NCAM1: variants seen among roughly 807,000 people sequenced by gnomAD.
NCAM1 encodes the protein antigen recognized by monoclonal antibody 5.1H11.
Under a neutral mutation model 109.8 loss-of-function variants are expected in NCAM1, and 14 were observed. The ratio of observed to expected loss-of-function variants is 0.13; its 90% CI spans 0.08 to 0.20. NCAM1 has a LOEUF of 0.20. Among genes scored for constraint, NCAM1 ranks in the 10% least tolerant of loss-of-function variants. The pLI, the probability that NCAM1 is intolerant of heterozygous loss-of-function variation, is 1.00. For synonymous variants in NCAM1, 418 were observed against 442.9 expected (o/e 0.94, Z 0.70); for missense variants, 774 against 1,109.9 (o/e 0.70, Z 4.30).
Position 112,963,788 on chromosome 11 carries a change from T to C in NCAM1, c.52+2124T>C, listed in dbSNP as rs548252077. Among the ~76,000 whole-genome samples the C allele has an allele frequency of 2.6e-5, 4 of 152,158 alleles. No individual in the cohort carries two copies. Among genetic ancestry groups the C allele is most frequent in the African/African-American group, 7.2e-5 (3 of 41,514 alleles). ...TCATCGTGATGGGTACAGTCATCAG[T>C]ATTTGGATCCCGTGGAAGTTGCAGG... is the stretch of plus-strand genomic sequence containing the variant. On this transcript the variant is annotated intron_variant, in intron 1 of 19. Transcript: ENST00000316851. The surrounding 1 kb of genome is among the most constrained non-coding windows in gnomAD (Gnocchi z 4.6).
rs575186693 is a variant in NCAM1, at chr11:113,112,078, G to A, written c.53-90301G>A. 1.1e-4 allele frequency among the ~76,000 whole-genome samples: 17 copies of A among 152,212 alleles called. No individual in the cohort carries two copies. The South Asian group carries it at 1.9e-3, about 17-fold the overall frequency. On this transcript the variant is annotated intron_variant, in intron 1 of 19. Transcript: ENST00000316851. The stretch of plus-strand genomic sequence containing the variant: ...TAATGTCTTTGTGAACATTCTGTCT[G>A]TTGTTAGCCTGCTAGTGATTAGGTA...
intron 1 of NCAM1, among the ~76,000 whole-genome samples, chr11:113,175,893 A>G (rs782736006): frequency 2.6e-5 from 4 of 152,334 alleles, no homozygotes; most frequent in Non-Finnish European, 5.9e-5. Context: ...CAAGAAGTTG[A>G]TGAGAGGGTA....
chr11:113,264,618 G>T, intron 17 of NCAM1: 1 of 985,562 alleles, frequency 1.0e-6, no homozygotes, highest in Non-Finnish European at 1.2e-6. Context: ...TCCTAGGAGG[G>T]CCCAGCTTGG....
At chr11:113,089,524 G>A (rs1267376065) in intron 1 of NCAM1, among the ~76,000 whole-genome samples, 1 of 151,982 alleles carries the variant, frequency 6.6e-6, no homozygotes, top group Non-Finnish European at 1.5e-5. Flanking sequence ...TCAAACTCCT[G>A]GGCTCAAGGG....
chr11:113,256,786 CA>C (rs61708262), intron 16 of NCAM1, among the ~76,000 whole-genome samples: 17,247 of 152,254 alleles, frequency 0.11, 1,108 homozygotes, highest in East Asian at 0.29. Flanking sequence ...TGGTCATCTT[CA>C]ACTATAACCA....
intron 1 of NCAM1, among the ~76,000 whole-genome samples, chr11:113,141,261 G>A (rs927218199): frequency 2.6e-5 from 4 of 152,122 alleles, no homozygotes; most frequent in African/African-American, 7.2e-5. Flanking sequence ...CCTTAGACTC[G>A]CATCCCTGGC....
At chr11:113,205,390 T>C in intron 3 of NCAM1, 133 bp from the exon 4 acceptor site, 1 of 1,146,568 alleles carries the variant, frequency 8.7e-7, no homozygotes. Flanking sequence ...TCTCTGAGGG[T>C]GCCCCTCTTA....
rs1555123026 is a variant in NCAM1, at chr11:113,260,141, A to G, written c.1954-5A>G. 1 of 1,607,298 alleles carries G rather than the reference A, an allele frequency of 6.2e-7. No homozygotes were observed. Among genetic ancestry groups the G allele is most frequent in the Non-Finnish European group, 8.5e-7 (1 of 1,177,846 alleles). On this transcript the variant is annotated splice_region_variant and splice_polypyrimidine_tract_variant and intron_variant, in intron 16 of 19. Transcript: ENST00000316851. ...TGTATCCTTCTTGCCGGTTTCTCCCAGAAGCTCTCCTCCGAGTGGAAACCA... is the reference window on the plus strand; with the variant it reads ...TGTATCCTTCTTGCCGGTTTCTCCCGGAAGCTCTCCTCCGAGTGGAAACCA...
chr11:113,236,595 G>A (rs1279290656), intron 14 of NCAM1, among the ~76,000 whole-genome samples: 1 of 152,158 alleles, frequency 6.6e-6, no homozygotes, highest in African/African-American at 2.4e-5. Flanking sequence ...TTACCCCACG[G>A]CAAAGATGGT....
chr11:113,187,497 A>G (rs76591847), intron 1 of NCAM1, among the ~76,000 whole-genome samples: 3,778 of 152,048 alleles, frequency 0.025, 71 homozygotes, highest in Non-Finnish European at 0.038. Flanking sequence ...CAAATAACTC[A>G]CAGTCCAGTG....
intron 1 of NCAM1, among the ~76,000 whole-genome samples, chr11:113,043,340 A>T (rs146041252): frequency 6.6e-6 from 1 of 151,710 alleles, no homozygotes; most frequent in African/African-American, 2.4e-5. Flanking sequence ...TTATTTATTT[A>T]TTTATTTATT....
At chr11:113,241,310 A>G (rs1336840205) in intron 14 of NCAM1, among the ~76,000 whole-genome samples, 1 of 152,256 alleles carries the variant, frequency 6.6e-6, no homozygotes, top group Non-Finnish European at 1.5e-5. Context: ...CTTTATCCAT[A>G]AATGCATACT....
rs189403466 is a variant in NCAM1, at chr11:113,031,559, G to T, written c.52+69895G>T. Among the ~76,000 whole-genome samples the T allele has an allele frequency of 3.1e-3, 466 of 152,184 alleles. 3 individuals carry two copies. The highest frequency in any genetic ancestry group is 0.011 in the African/African-American group (447 of 41,542). On this transcript the variant is annotated intron_variant, in intron 1 of 19. Coordinates refer to ENST00000316851, the MANE Select transcript of NCAM1 (RefSeq NM_181351.5). ...ATATAAAATTTAGCCGGGCGTGGTG[G>T]CAGGCTCCTGTAATCCCAGCTACTC...
At chr11:113,080,185 G>A (rs1395099895) in intron 1 of NCAM1, among the ~76,000 whole-genome samples, 3 of 152,080 alleles carry the variant, frequency 2.0e-5, no homozygotes, top group African/African-American at 7.2e-5. Flanking sequence ...AGAGAGGCTG[G>A]CAGAAGATAA....
chr11:113,253,688 C>T (rs1397701383), intron 15 of NCAM1, among the ~76,000 whole-genome samples: 2 of 152,096 alleles, frequency 1.3e-5, no homozygotes, highest in South Asian at 2.1e-4. Flanking sequence ...AAAAGGGGGC[C>T]TTGGGAGAAG....
intron 14 of NCAM1, among the ~76,000 whole-genome samples, chr11:113,243,157 C>T (rs1555119421): frequency 6.6e-6 from 1 of 152,244 alleles, no homozygotes; most frequent in African/African-American, 2.4e-5. Flanking sequence ...AAAAGAACAG[C>T]ATCTCCTTCC....
At chr11:112,978,062 T>C (rs188603177) in intron 1 of NCAM1, among the ~76,000 whole-genome samples, 2 of 151,870 alleles carry the variant, frequency 1.3e-5, no homozygotes, top group African/African-American at 2.4e-5. Context: ...ATCCTGAACG[T>C]TGGGGTGAAG....
At chr11:113,015,244 G>A (rs531865965) in intron 1 of NCAM1, among the ~76,000 whole-genome samples, 3 of 152,248 alleles carry the variant, frequency 2.0e-5, no homozygotes, top group Non-Finnish European at 2.9e-5. Context: ...CCATGTCACT[G>A]TCCCTGACCC....
chr11:113,162,188 G>A (rs1942623745), intron 1 of NCAM1, among the ~76,000 whole-genome samples: 1 of 152,156 alleles, frequency 6.6e-6, no homozygotes. Context: ...CAGGAACAAG[G>A]CCAGGGGCCT....
Sources: allele counts gnomAD v4.1 joint callset (sites outside exome capture counted in the v4.1 genomes callset), GRCh38; gene constraint gnomAD v4.1.1; non-coding constraint Gnocchi (gnomAD v3.1); transcripts MANE v1.5; gene names NCBI Gene and HGNC (gene_info 2026-07-23, HGNC 2026-07-21).